The following DCBLD1 variants were observed in gnomAD, a reference collection of about 807,000 sequenced individuals.
DCBLD1 encodes the protein discoidin, CUB and LCCL domain-containing protein 1.
In DCBLD1, 57 loss-of-function variants were observed where a neutral mutation model predicts 71.5. The observed-to-expected ratio is 0.80, with a 90% confidence interval of 0.64 to 0.99. The LOEUF is 0.99. DCBLD1 is among the 50% of genes least tolerant of loss of function. DCBLD1 has a pLI of 0.00. For synonymous variants in DCBLD1, 380 were observed against 363.8 expected (o/e 1.04, Z -0.51); for missense variants, 891 against 923.5 (o/e 0.96, Z 0.46).
chr6:117,567,146 G>A (rs1274270832), intron 14 of DCBLD1: 2 of 634,862 alleles, frequency 3.2e-6, no homozygotes, highest in Non-Finnish European at 5.0e-6. Flanking sequence ...AGAGATAGCT[G>A]ATTTCCAGAA....
At chr6:117,519,514 C>A (rs1778313846) in intron 2 of DCBLD1, among the ~76,000 whole-genome samples, 1 of 152,148 alleles carries the variant, frequency 6.6e-6, no homozygotes, top group Non-Finnish European at 1.5e-5. Flanking sequence ...TTCTTTACTA[C>A]CTAATGTGTT....
At chr6:117,525,922 C>A (rs1778534325) in intron 5 of DCBLD1, among the ~76,000 whole-genome samples, 1 of 152,154 alleles carries the variant, frequency 6.6e-6, no homozygotes, top group African/African-American at 2.4e-5. Flanking sequence ...ATTGTTCCTG[C>A]ATGTTGTATC....
At chr6:117,535,008 A>G (rs930852013) in intron 6 of DCBLD1, among the ~76,000 whole-genome samples, 2 of 152,196 alleles carry the variant, frequency 1.3e-5, no homozygotes, top group African/African-American at 4.8e-5. Flanking sequence ...ATGTTCACAC[A>G]GCCTCTTCCA....
chr6:117,490,116 C>CAG (rs1777238339), intron 1 of DCBLD1, among the ~76,000 whole-genome samples: 2 of 147,922 alleles, frequency 1.4e-5, no homozygotes, highest in South Asian at 4.2e-4. Flanking sequence ...CACACACACA[C>CAG]ACACACACCC....
chr6:117,493,429 C>G (rs1777363197), intron 1 of DCBLD1, among the ~76,000 whole-genome samples: 1 of 152,068 alleles, frequency 6.6e-6, no homozygotes. Context: ...CTCATTAGAC[C>G]TTTCCCTTAA....
At chr6:117,530,527 C>A (rs1046478251) in intron 5 of DCBLD1, among the ~76,000 whole-genome samples, 2 of 152,184 alleles carry the variant, frequency 1.3e-5, no homozygotes, top group Non-Finnish European at 2.9e-5. Context: ...CCTAACAGGC[C>A]ACTGACCAGT....
chr6:117,530,711 C>G (rs1663111212), intron 5 of DCBLD1, among the ~76,000 whole-genome samples: 2 of 152,190 alleles, frequency 1.3e-5, no homozygotes, highest in South Asian at 4.1e-4. Context: ...AATTTAAATT[C>G]AGGACTTTTC....
rs1345084436 is a variant in DCBLD1, at chr6:117,519,941, G to A, written c.451G>A (p.Asp151Asn). The change falls in exon 3 of 15, where the codon GAC (aspartate) becomes AAC (asparagine). Residue 151 changes from aspartate (D) to asparagine (N), a missense_variant. Physicochemically the swap from Asp to Asn is conservative, Grantham distance 23. Transcript: ENST00000338728. ...TTTTTTGCTGACCTATGCGAGCAGC[G>A]ACCATCCAGGTATAACGGAAGAATC... ...RGFLLTYASSDHPDLITCLER... is the reference protein window; with the variant it reads ...RGFLLTYASSNHPDLITCLER... The A allele has an allele frequency of 9.3e-6, 15 of 1,613,722 alleles. No individual in the cohort carries two copies. Among genetic ancestry groups the A allele is most frequent in the Admixed American group, 3.3e-5 (2 of 59,988 alleles).
intron 11 of DCBLD1, among the ~76,000 whole-genome samples, chr6:117,542,350 A>T (rs576846792): frequency 6.6e-6 from 1 of 152,150 alleles, no homozygotes; most frequent in East Asian, 1.9e-4. Context: ...TTATACACAA[A>T]TTTGGTTTTC....
At chr6:117,514,907 A>G (rs749256779) in intron 2 of DCBLD1, among the ~76,000 whole-genome samples, 3 of 151,946 alleles carry the variant, frequency 2.0e-5, no homozygotes, top group Non-Finnish European at 2.9e-5. Flanking sequence ...TGTGTAAAAT[A>G]TGTATACTTT....
intron 14 of DCBLD1, chr6:117,569,478 T>C (rs1272320464): frequency 3.3e-6 from 5 of 1,492,772 alleles, no homozygotes; most frequent in Non-Finnish European, 4.5e-6. Flanking sequence ...GTAAACACTT[T>C]ACTACTTTAG....
chr6:117,560,984 T>TA (rs753456822), intron 14 of DCBLD1: 3 of 214,286 alleles, frequency 1.4e-5, no homozygotes, highest in Non-Finnish European at 2.8e-5. Flanking sequence ...AACTAATTCT[T>TA]AGTTCATCCC....
chr6:117,528,314 A>C (rs1171886732), intron 5 of DCBLD1, among the ~76,000 whole-genome samples: 1 of 152,226 alleles, frequency 6.6e-6, no homozygotes, highest in Non-Finnish European at 1.5e-5. Context: ...GCACAGAAAT[A>C]ATTCATATGA....
At chr6:117,530,493 C>T (rs1220780893) in intron 5 of DCBLD1, among the ~76,000 whole-genome samples, 1 of 152,222 alleles carries the variant, frequency 6.6e-6, no homozygotes, top group Non-Finnish European at 1.5e-5. Context: ...GCCCACTCCT[C>T]ACCTCCTGCT....
intron 1 of DCBLD1, among the ~76,000 whole-genome samples, chr6:117,491,081 T>C (rs1123836): frequency 0.031 from 4,652 of 152,312 alleles, 85 homozygotes; most frequent in Non-Finnish European, 0.038. Context: ...AACATCTATG[T>C]GTTTGTTGCC....
At position 117,519,871 on chromosome 6, in the gene DCBLD1, A is replaced by C; in HGVS notation, c.381A>C (p.Glu127Asp). The change falls in exon 3 of 15, where the codon GAA (glutamate) becomes GAC (aspartate). Residue 127 changes from glutamate (E) to aspartate (D), a missense_variant. Coordinates refer to ENST00000338728, the MANE Select transcript of DCBLD1 (RefSeq NM_001366458.2). ...AAGAACTCTTGTTGAACACAAGTGAAGTAACCGTCCGCTTTGAGAGTGGAT... is the reference window on the plus strand; with the variant it reads ...AAGAACTCTTGTTGAACACAAGTGACGTAACCGTCCGCTTTGAGAGTGGAT... The part of the protein sequence containing the change: ...VPKELLLNTS[E>D]VTVRFESGSH... 2 of 1,614,172 alleles carry C rather than the reference A, an allele frequency of 1.2e-6. No homozygotes were observed. Among genetic ancestry groups the C allele is most frequent in the Non-Finnish European group, 1.7e-6 (2 of 1,180,002 alleles).
chr6:117,546,589 T>C (rs1053692750), intron 14 of DCBLD1, among the ~76,000 whole-genome samples: 1 of 152,216 alleles, frequency 6.6e-6, no homozygotes, highest in Non-Finnish European at 1.5e-5. Context: ...TGTTGTCTTA[T>C]GCCTTTCATT....
rs932097245 is a variant in DCBLD1 at position 117,557,764 on chromosome 6, C to CA, written c.1616-11848dup. Among the ~76,000 whole-genome samples the CA allele has an allele frequency of 5.8e-4, 88 of 151,766 alleles. 1 individual carries two copies. The highest frequency in any genetic ancestry group is 1.1e-3 in the Admixed American group (17 of 15,242). On this transcript the variant is annotated intron_variant, in intron 14 of 14. Coordinates refer to the DCBLD1 transcript ENST00000296955. ...GGGCAACAAGAGTGAAACTCCGTCT[C>CA]AAAAAAAATAAAAATAAAAAATATA...
At position 117,537,747 on chromosome 6, in the gene DCBLD1, C is replaced by T. The variant is rs925388622; in HGVS notation, c.760+522C>T. Among the ~76,000 whole-genome samples, 13 of 131,588 alleles carry T rather than the reference C, an allele frequency of 9.9e-5. No individual in the cohort carries two copies. In the East Asian group the frequency reaches 1.5e-3, roughly 15 times the overall value. The allele number at this position is 131,588 out of a possible 152,430, so 86.3% of individuals were successfully genotyped here. ...CTGATCTCAAACTCCTGGGCTTAAG[C>T]GATCCTCTTACTTCAGCCACCCTCA... On this transcript the variant is annotated intron_variant, in intron 7 of 14. Coordinates refer to ENST00000338728, the MANE Select transcript of DCBLD1 (RefSeq NM_001366458.2).
Sources: gnomAD v4.1 joint callset for allele counts (sites outside exome capture counted in the v4.1 genomes callset) on GRCh38, gnomAD v4.1.1 for gene constraint, MANE v1.5 for transcripts, NCBI Gene and HGNC (gene_info 2026-07-23, HGNC 2026-07-21) for gene names.